The following TMED3 variants were observed in gnomAD, a reference collection of about 807,000 sequenced individuals.
The protein encoded by TMED3 is transmembrane emp24 domain-containing protein 3.
TMED3 carries 9 observed loss-of-function variants against 15.0 expected under a neutral mutation model. The ratio of observed to expected loss-of-function variants is 0.60; its 90% confidence interval spans 0.36 to 1.04. The LOEUF (loss-of-function observed/expected upper bound fraction) is 1.04, where lower values mean the gene tolerates loss of function less well. Among genes scored for constraint, TMED3 ranks in the 50% least tolerant of loss-of-function variants. The pLI, the probability that TMED3 is intolerant of heterozygous loss-of-function variation, is 0.01. For missense variants in TMED3, 267 were observed against 278.9 expected (o/e 0.96, Z 0.30); for synonymous variants, 117 against 121.4 (o/e 0.96, Z 0.24).
intron 2 of TMED3, among the ~76,000 whole-genome samples, chr15:79,363,293 T>A (rs1192330866): frequency 6.6e-6 from 1 of 152,152 alleles, no homozygotes; most frequent in Non-Finnish European, 1.5e-5. Flanking sequence ...TTTCTAATCA[T>A]ACAACAAAGG....
intron 2 of TMED3, among the ~76,000 whole-genome samples, chr15:79,328,302 G>A (rs771185197): frequency 4.6e-5 from 7 of 151,886 alleles, no homozygotes; most frequent in East Asian, 1.9e-4. Flanking sequence ...ACTTGCCTTC[G>A]AAAAGAAAAT....
chr15:79,320,136 C>G (rs762399501), intron 2 of TMED3, among the ~76,000 whole-genome samples: 27 of 152,192 alleles, frequency 1.8e-4, no homozygotes, highest in Non-Finnish European at 3.4e-4. Context: ...CCACAGTCCA[C>G]TTGGCAATGG....
chr15:79,409,271 A>G (rs1403519722), intron 2 of TMED3, among the ~76,000 whole-genome samples: 3 of 152,182 alleles, frequency 2.0e-5, no homozygotes, highest in East Asian at 1.9e-4. Flanking sequence ...TCTCAGTTCA[A>G]TTTGGCACTT....
chr15:79,403,956 G>C (rs1265863075), intron 2 of TMED3, among the ~76,000 whole-genome samples: 1 of 152,154 alleles, frequency 6.6e-6, no homozygotes, highest in African/African-American at 2.4e-5. Flanking sequence ...AAGAGCCCCA[G>C]TTCTGCAGGT....
intron 2 of TMED3, among the ~76,000 whole-genome samples, chr15:79,344,800 A>G (rs1424938345): frequency 3.3e-5 from 5 of 152,184 alleles, no homozygotes; most frequent in Admixed American, 3.3e-4. Context: ...TTTGTACGAA[A>G]CATTGGAGGC....
chr15:79,397,702 A>C (rs949466714), intron 2 of TMED3, among the ~76,000 whole-genome samples: 2 of 152,204 alleles, frequency 1.3e-5, no homozygotes, highest in Non-Finnish European at 2.9e-5. Context: ...ACATTACTAC[A>C]GTCAATATAC....
chr15:79,371,589 G>C (rs1270026224), intron 2 of TMED3, among the ~76,000 whole-genome samples: 1 of 152,188 alleles, frequency 6.6e-6, no homozygotes, highest in South Asian at 2.1e-4. Context: ...GTGGGCAGGG[G>C]GTTAGGGAAC....
At chr15:79,315,035 C>T (rs1025474642) in intron 2 of TMED3, among the ~76,000 whole-genome samples, 12 of 152,172 alleles carry the variant, frequency 7.9e-5, no homozygotes, top group African/African-American at 1.2e-4. Flanking sequence ...GATAGCAGCA[C>T]GTGTGCCAGA....
intron 2 of TMED3, among the ~76,000 whole-genome samples, chr15:79,339,123 A>G (rs1567027068): frequency 6.6e-6 from 1 of 152,134 alleles, no homozygotes; most frequent in Non-Finnish European, 1.5e-5. Flanking sequence ...TGAAAGTACT[A>G]AAAGTCTCTA....
At chr15:79,389,901 G>T (rs1893675735) in intron 2 of TMED3, among the ~76,000 whole-genome samples, 1 of 152,124 alleles carries the variant, frequency 6.6e-6, no homozygotes, top group Non-Finnish European at 1.5e-5. Flanking sequence ...GTTGCTGTTG[G>T]TGTATAGAAG....
At chr15:79,381,665 T>A (rs550484429) in intron 2 of TMED3, among the ~76,000 whole-genome samples, 2 of 152,188 alleles carry the variant, frequency 1.3e-5, no homozygotes, top group African/African-American at 4.8e-5. Context: ...ACAAATCATA[T>A]TGGAGCCACT....
chr15:79,383,074 A>G lies in TMED3; in HGVS notation c.418-28326A>G, dbSNP rs1209993734. On this transcript the variant is annotated intron_variant, in intron 2 of 2. Coordinates refer to the TMED3 transcript ENST00000424155. Reference sequence around the variant, plus strand: ...CTTGTTTACCTCCTGTGCATGCTCCACGGGACATGGCTCTTTGCCTGTAGA... The same window carrying G: ...CTTGTTTACCTCCTGTGCATGCTCCGCGGGACATGGCTCTTTGCCTGTAGA... 3.3e-6 allele frequency: 5 copies of G among 1,513,634 alleles called. No homozygotes were observed. The East Asian group carries it at 9.8e-5, about 30-fold the overall frequency. The allele number at this position is 1,513,634 out of a possible 1,614,324, so 93.8% of individuals were successfully genotyped here.
At chr15:79,383,102 G>A (rs549975476) in intron 2 of TMED3, 102 of 1,387,066 alleles carry the variant, frequency 7.4e-5, no homozygotes, top group Middle Eastern at 7.0e-4. Context: ...CCTGTAGATC[G>A]CCAGGTACCC....
downstream of TMED3, among the ~76,000 whole-genome samples, chr15:79,324,040 G>C (rs1176308613): frequency 6.6e-6 from 1 of 152,090 alleles, no homozygotes; most frequent in Non-Finnish European, 1.5e-5. Context: ...GCCCAGGCTG[G>C]AGTGCAGTGG....
intron 2 of TMED3, among the ~76,000 whole-genome samples, chr15:79,366,320 C>T (rs1409228307): frequency 3.9e-5 from 6 of 152,204 alleles, no homozygotes; most frequent in Admixed American, 3.9e-4. Flanking sequence ...TGATTCTGCC[C>T]ATTGCTCTCT....
At chr15:79,377,754 C>T (rs370491760) in intron 2 of TMED3, among the ~76,000 whole-genome samples, 1 of 150,616 alleles carries the variant, frequency 6.6e-6, no homozygotes, top group East Asian at 2.0e-4. Context: ...TTCACCCATT[C>T]GCCTGCCTCA....
chr15:79,411,886 A>AG (rs1893986032), exon 3 of TMED3: 1 of 193,318 alleles, frequency 5.2e-6, no homozygotes, highest in Non-Finnish European at 1.1e-5. Context: ...CTTTAACCCT[A>AG]GGGGGACTGT....
Position 79,314,240 on chromosome 15 carries a change from TCTCTA to T in TMED3, c.417+240_417+244del, listed in dbSNP as rs375614384. On this transcript the variant is annotated intron_variant, in intron 2 of 2. Transcript: ENST00000299705. ...GCAGTACTTTCCTCTGACATTCCTG[TCTCTA>T]CTCTTTCATTCCCACTCAGTCTTTT... Among the ~76,000 whole-genome samples the T allele has an allele frequency of 2.1e-3, 316 of 152,340 alleles. 2 individuals carry two copies. Among genetic ancestry groups the T allele is most frequent in the African/African-American group, 7.1e-3 (295 of 41,574 alleles).
chr15:79,392,004 G>A (rs1400840735), intron 2 of TMED3, among the ~76,000 whole-genome samples: 1 of 152,174 alleles, frequency 6.6e-6, no homozygotes, highest in Non-Finnish European at 1.5e-5. Flanking sequence ...CTTGAAGGCA[G>A]AAGATAGTTT....
Sources: allele counts gnomAD v4.1 joint callset (sites outside exome capture counted in the v4.1 genomes callset), GRCh38; gene constraint gnomAD v4.1.1; transcripts MANE v1.5; gene names NCBI Gene and HGNC (gene_info 2026-07-23, HGNC 2026-07-21).